ATP8A2: variants seen among roughly 807,000 people sequenced by gnomAD.
The protein encoded by ATP8A2 is ATPase phospholipid transporting 8A2.
In ATP8A2, 100 loss-of-function variants were observed where a neutral mutation model predicts 165.6. The ratio of observed to expected loss-of-function variants is 0.60; its 90% CI spans 0.51 to 0.71. ATP8A2 has a LOEUF of 0.71. ATP8A2 is among the 30% of genes least tolerant of loss of function. ATP8A2 has a pLI of 0.00. For missense variants in ATP8A2, 1,227 were observed against 1,479.5 expected, an observed-to-expected ratio of 0.83 and a Z score of 2.80; for synonymous variants, 543 against 548.8, an observed-to-expected ratio of 0.99 and a Z score of 0.15.
intron 35 of ATP8A2, among the ~76,000 whole-genome samples, chr13:26,004,190 T>C (rs1832299778): frequency 6.6e-6 from 1 of 152,156 alleles, no homozygotes; most frequent in Admixed American, 6.5e-5. Context: ...TGCAATTATT[T>C]CATCAGTGTT....
intron 1 of ATP8A2, among the ~76,000 whole-genome samples, chr13:25,457,098 G>C (rs899087375): frequency 6.6e-6 from 1 of 152,200 alleles, no homozygotes; most frequent in African/African-American, 2.4e-5. Flanking sequence ...AGTTGGACAA[G>C]CTTGCTCTAG....
intron 33 of ATP8A2, among the ~76,000 whole-genome samples, chr13:25,876,554 G>A (rs904380046): frequency 3.9e-5 from 6 of 152,172 alleles, no homozygotes; most frequent in Non-Finnish European, 8.8e-5. Flanking sequence ...CAGGCCTGTT[G>A]AGAAACTTTA....
chr13:25,993,101 G>C (rs2139296715), intron 35 of ATP8A2, among the ~76,000 whole-genome samples: 1 of 151,742 alleles, frequency 6.6e-6, no homozygotes, highest in Admixed American at 6.6e-5. Context: ...TTGGACATTT[G>C]GGTTGGTTCC....
At chr13:25,801,260 C>CT (rs1406357002) in intron 27 of ATP8A2, among the ~76,000 whole-genome samples, 3 of 152,164 alleles carry the variant, frequency 2.0e-5, no homozygotes, top group African/African-American at 7.2e-5. Flanking sequence ...GCATCTCTCT[C>CT]TAAGGCTTTC....
At chr13:25,674,397 C>T (rs2042331190) in intron 24 of ATP8A2, among the ~76,000 whole-genome samples, 1 of 152,112 alleles carries the variant, frequency 6.6e-6, no homozygotes, top group African/African-American at 2.4e-5. Flanking sequence ...AATAATATAT[C>T]GTTTCCATTC....
chr13:25,802,110 T>C (rs1473967727), intron 27 of ATP8A2, among the ~76,000 whole-genome samples: 1 of 152,176 alleles, frequency 6.6e-6, no homozygotes, highest in Admixed American at 6.5e-5. Flanking sequence ...GTAACCTACG[T>C]TAGAGATTCG....
At chr13:25,652,930 T>A (rs1243642596) in intron 24 of ATP8A2, among the ~76,000 whole-genome samples, 1 of 152,226 alleles carries the variant, frequency 6.6e-6, no homozygotes, top group Non-Finnish European at 1.5e-5. Context: ...AGATTTCTGC[T>A]GAATCATCCC....
intron 33 of ATP8A2, among the ~76,000 whole-genome samples, chr13:25,868,977 G>A (rs993992250): frequency 6.7e-6 from 1 of 150,324 alleles, no homozygotes; most frequent in Admixed American, 6.7e-5. Flanking sequence ...GCTGAGGCAG[G>A]TGAATGGCAT....
At chr13:25,886,595 G>A (rs916837267) in intron 33 of ATP8A2, among the ~76,000 whole-genome samples, 8 of 152,208 alleles carry the variant, frequency 5.3e-5, no homozygotes, top group Admixed American at 2.6e-4. Flanking sequence ...GCTGGATGCC[G>A]ACAGCACGAG....
intron 33 of ATP8A2, among the ~76,000 whole-genome samples, chr13:25,878,468 A>G (rs940407640): frequency 7.5e-6 from 1 of 134,184 alleles, no homozygotes; most frequent in African/African-American, 3.0e-5. Flanking sequence ...AAGAATGACT[A>G]TTCCATAGGC....
At chr13:25,968,095 G>C (rs1566311967) in intron 34 of ATP8A2, among the ~76,000 whole-genome samples, 2 of 152,176 alleles carry the variant, frequency 1.3e-5, no homozygotes. Context: ...TGGCTGCTGT[G>C]GCAGTGGCTC....
intron 25 of ATP8A2, among the ~76,000 whole-genome samples, chr13:25,707,008 G>GAA (rs1159219692): frequency 1.3e-5 from 2 of 151,822 alleles, no homozygotes; most frequent in Non-Finnish European, 2.9e-5. Context: ...CACCATCTTG[G>GAA]AAAAAAAATT....
At chr13:25,839,447 G>A (rs1468621448) in intron 29 of ATP8A2, 99 bp from the exon 30 acceptor site, 47 of 811,974 alleles carry the variant, frequency 5.8e-5, no homozygotes, top group South Asian at 4.6e-4. Context: ...ACCGTGCAGC[G>A]CACGGCCAGG....
intron 24 of ATP8A2, among the ~76,000 whole-genome samples, chr13:25,645,174 G>A (rs1227918742): frequency 6.6e-6 from 1 of 152,142 alleles, no homozygotes; most frequent in Non-Finnish European, 1.5e-5. Context: ...CAGAATCATT[G>A]TGCGATATGA....
At chr13:25,926,753 A>C (rs1457547508) in intron 33 of ATP8A2, among the ~76,000 whole-genome samples, 1 of 152,212 alleles carries the variant, frequency 6.6e-6, no homozygotes, top group Non-Finnish European at 1.5e-5. Context: ...TAATCTCAGC[A>C]CTTTGGGAGG....
rs940907761 is a variant in ATP8A2 at position 25,559,509 on chromosome 13, G to A, written c.1353-212G>A. On this transcript the variant is annotated intron_variant, in intron 14 of 36. Coordinates refer to ENST00000381655, the MANE Select transcript of ATP8A2 (RefSeq NM_016529.6). ...ATTGCTCCACTGCACTCTAGCCTGGGTGACAGAGTGAGACTCTGTCTCAAA... is the reference window on the plus strand; with the variant it reads ...ATTGCTCCACTGCACTCTAGCCTGGATGACAGAGTGAGACTCTGTCTCAAA... 3.3e-5 allele frequency among the ~76,000 whole-genome samples: 5 copies of A among 152,214 alleles called. No individual in the cohort carries two copies. In the South Asian group the frequency reaches 8.3e-4, roughly 25 times the overall value.
chr13:25,752,436 C>T lies in ATP8A2; in HGVS notation c.2385-16610C>T, dbSNP rs558657815. 8.6e-5 allele frequency among the ~76,000 whole-genome samples: 13 copies of T among 151,842 alleles called. 1 individual carries two copies. In the East Asian group the frequency reaches 1.2e-3, roughly 14 times the overall value. Reference sequence around the variant, plus strand: ...TCATACTCTTGCACTCCAGCCGGGGCGACAGAGTGAGACTCTGAAAAAAAA... The same window carrying T: ...TCATACTCTTGCACTCCAGCCGGGGTGACAGAGTGAGACTCTGAAAAAAAA... On this transcript the variant is annotated intron_variant, in intron 25 of 36. Coordinates refer to ENST00000381655, the MANE Select transcript of ATP8A2 (RefSeq NM_016529.6).
In ATP8A2 at chr13:25,570,754, C is replaced by T. The variant is rs780494493; in HGVS notation, c.1474-13C>T. ...GTGTTGTATCTGACACTAATCCCGC[C>T]TCACGTTTGCAGCCCACAGCCCCTT... On this transcript the variant is annotated splice_polypyrimidine_tract_variant and intron_variant, in intron 16 of 36. Coordinates refer to ENST00000381655, the MANE Select transcript of ATP8A2 (RefSeq NM_016529.6). The T allele has an allele frequency of 9.9e-6, 16 of 1,608,642 alleles. No homozygotes were observed. In the African/African-American group the frequency reaches 1.5e-4, roughly 15 times the overall value.
At chr13:25,784,173 G>T (rs1398058249) in intron 27 of ATP8A2, among the ~76,000 whole-genome samples, 2 of 54,126 alleles carry the variant, frequency 3.7e-5, no homozygotes, top group African/African-American at 1.5e-4. Flanking sequence ...ATGTTTTTAG[G>T]CATTGATGGT....
Sources: gnomAD v4.1 joint callset for allele counts (sites outside exome capture counted in the v4.1 genomes callset) on GRCh38, gnomAD v4.1.1 for gene constraint, MANE v1.5 for transcripts, NCBI Gene and HGNC (gene_info 2026-07-23, HGNC 2026-07-21) for gene names.